The following KLRG1 variants were observed in gnomAD, a reference collection of about 807,000 sequenced individuals.
KLRG1 encodes the protein killer cell lectin-like receptor subfamily G member 1.
KLRG1 carries 16 observed loss-of-function variants against 21.8 expected under a neutral mutation model. That is an observed-to-expected ratio of 0.73 (90% CI 0.50 to 1.11). The LOEUF (loss-of-function observed/expected upper bound fraction) is 1.11, where lower values mean the gene tolerates loss of function less well. KLRG1 is among the 50% of genes most tolerant of loss of function. The pLI is 0.00. For synonymous variants in KLRG1, 69 were observed against 75.9 expected, an observed-to-expected ratio of 0.91 and a Z score of 0.47; for missense variants, 173 against 218.3, an observed-to-expected ratio of 0.79 and a Z score of 1.31.
At chr12:8,991,493 A>C (rs1288402672) in intron 1 of KLRG1, among the ~76,000 whole-genome samples, 2 of 152,212 alleles carry the variant, frequency 1.3e-5, no homozygotes, top group Non-Finnish European at 2.9e-5. Flanking sequence ...AAAATAGGGT[A>C]AAAAGTCTTT....
chr12:9,165,118 G>A, the KLRG1 span: 9 of 1,608,654 alleles, frequency 5.6e-6, no homozygotes, highest in East Asian at 2.0e-4. Context: ...CACCTTTCCT[G>A]TTCACCCTCA....
chr12:9,182,149 C>CATAAGTGAGACAAAATGGTG, the KLRG1 span: 23 of 1,606,632 alleles, frequency 1.4e-5, no homozygotes, highest in Non-Finnish European at 1.9e-5. Context: ...ACAAAATGGT[C>CATAAGTGAGACAAAATGGTG]ATAAGTGAGA....
At chr12:9,073,067 C>G in the KLRG1 span, among the ~76,000 whole-genome samples, 6 of 152,184 alleles carry the variant, frequency 3.9e-5, no homozygotes, top group Non-Finnish European at 5.9e-5. Flanking sequence ...CTACCTTGGA[C>G]TGTATGCCCT....
chr12:9,164,923 GGT>G, the KLRG1 span, among the ~76,000 whole-genome samples: 1 of 152,148 alleles, frequency 6.6e-6, no homozygotes, highest in Non-Finnish European at 1.5e-5. Context: ...AGAAAAGCAA[GGT>G]GTGGCTTAGA....
the KLRG1 span, chr12:9,028,882 G>T: frequency 1.6e-6 from 1 of 639,132 alleles, no homozygotes. Context: ...ATTCGTGGCC[G>T]CATCCACCTC....
At chr12:9,149,453 T>C in the KLRG1 span, 83 of 1,124,170 alleles carry the variant, frequency 7.4e-5, no homozygotes, top group African/African-American at 1.1e-3. Flanking sequence ...ACATGCCATG[T>C]GGATTGTCTC....
the KLRG1 span, among the ~76,000 whole-genome samples, chr12:9,016,554 C>T: frequency 9.2e-5 from 14 of 152,342 alleles, no homozygotes; most frequent in East Asian, 2.5e-3. Context: ...CCAGTGGCTT[C>T]ACTGCTGAAA....
chr12:9,164,268 C>T, the KLRG1 span: 1 of 1,611,456 alleles, frequency 6.2e-7, no homozygotes, highest in Non-Finnish European at 8.5e-7. Context: ...ACCTATCACC[C>T]CATGTGAGGC....
the KLRG1 span, chr12:9,099,664 C>G: frequency 9.7e-7 from 1 of 1,029,174 alleles, no homozygotes; most frequent in Non-Finnish European, 1.4e-6. Flanking sequence ...AAAACCCTAT[C>G]AAAGCCCTCT....
At chr12:9,179,836 CTG>C in the KLRG1 span, among the ~76,000 whole-genome samples, 1 of 152,328 alleles carries the variant, frequency 6.6e-6, no homozygotes, top group South Asian at 2.1e-4. Context: ...ACATTAATAA[CTG>C]AGGTTAAGAT....
the KLRG1 span, chr12:9,192,566 A>G: frequency 6.2e-7 from 1 of 1,614,222 alleles, no homozygotes; most frequent in Non-Finnish European, 8.5e-7. Flanking sequence ...TATTCAGTGT[A>G]TAGTGTGCCG....
the KLRG1 span, among the ~76,000 whole-genome samples, chr12:9,171,050 C>T: frequency 1.1e-4 from 17 of 152,160 alleles, no homozygotes; most frequent in Admixed American, 3.9e-4. Context: ...CCTGACTGGG[C>T]GAGACCTCCC....
the KLRG1 span, chr12:9,153,190 A>C: frequency 6.2e-7 from 1 of 1,614,214 alleles, no homozygotes; most frequent in Non-Finnish European, 8.5e-7. Flanking sequence ...TCTGGCAATG[A>C]GATCTGCTGC....
the KLRG1 span, among the ~76,000 whole-genome samples, chr12:9,176,117 A>G: frequency 6.6e-6 from 1 of 152,260 alleles, no homozygotes; most frequent in South Asian, 2.1e-4. Flanking sequence ...ACAATGGAAT[A>G]CTATGCAGCC....
intron 1 of KLRG1, among the ~76,000 whole-genome samples, chr12:8,976,716 T>C (rs1946662126): frequency 6.6e-6 from 1 of 152,202 alleles, no homozygotes; most frequent in Non-Finnish European, 1.5e-5. Flanking sequence ...TAAAATTACC[T>C]TTTTTCTTTA....
chr12:9,187,787 T>A, the KLRG1 span, among the ~76,000 whole-genome samples: 1 of 152,252 alleles, frequency 6.6e-6, no homozygotes, highest in Non-Finnish European at 1.5e-5. Context: ...TCAGCTGTGC[T>A]GTGCAGGTGA....
the KLRG1 span, chr12:9,153,015 T>G: frequency 6.2e-7 from 1 of 1,610,836 alleles, no homozygotes; most frequent in Non-Finnish European, 8.5e-7. Flanking sequence ...TCCTCATTAC[T>G]TAACGTCTCC....
chr12:9,081,723 CA>C, the KLRG1 span, among the ~76,000 whole-genome samples: 5 of 152,142 alleles, frequency 3.3e-5, no homozygotes, highest in African/African-American at 1.2e-4. Context: ...GGAAGAGAAC[CA>C]GGGGTAGACA....
chr12:8,995,876 A>G (rs1210404940), intron 3 of KLRG1, among the ~76,000 whole-genome samples: 2 of 151,554 alleles, frequency 1.3e-5, no homozygotes, highest in East Asian at 3.9e-4. Flanking sequence ...TAGAGATGGG[A>G]TTTCACCATG....
Sources: allele counts gnomAD v4.1 joint callset (sites outside exome capture counted in the v4.1 genomes callset), GRCh38; gene constraint gnomAD v4.1.1; transcripts MANE v1.5; gene names NCBI Gene and HGNC (gene_info 2026-07-23, HGNC 2026-07-21).